Variants in OLA1 observed in about 807,000 individuals in gnomAD.
The protein encoded by OLA1 is Obg like ATPase 1.
A neutral mutation model predicts 48.4 loss-of-function variants in OLA1; 14 were observed. That is an observed-to-expected ratio of 0.29 (90% CI 0.19 to 0.45). OLA1 has a LOEUF of 0.45. Among genes scored for constraint, OLA1 ranks in the 20% least tolerant of loss-of-function variants. The pLI is 1.00. For synonymous variants in OLA1, 127 were observed against 150.4 expected (o/e 0.84, Z 1.14); for missense variants, 325 against 467.1 (o/e 0.70, Z 2.80).
chr2:174,105,390 T>G (rs1685491056), intron 7 of OLA1, among the ~76,000 whole-genome samples: 1 of 151,972 alleles, frequency 6.6e-6, no homozygotes. Context: ...AAAATGTACT[T>G]TGTAGAATTT....
intron 4 of OLA1, among the ~76,000 whole-genome samples, chr2:174,180,961 A>G (rs1687519337): frequency 6.6e-6 from 1 of 152,206 alleles, no homozygotes; most frequent in South Asian, 2.1e-4. Flanking sequence ...TAGTACCTTT[A>G]GGTATTTATC....
At chr2:174,112,063 A>G (rs921911299) in intron 7 of OLA1, among the ~76,000 whole-genome samples, 1 of 152,200 alleles carries the variant, frequency 6.6e-6, no homozygotes, top group Non-Finnish European at 1.5e-5. Context: ...TTTTAGTCTC[A>G]GATTTTATAG....
chr2:174,209,234 C>A (rs1688186043), intron 4 of OLA1, among the ~76,000 whole-genome samples: 1 of 152,154 alleles, frequency 6.6e-6, no homozygotes, highest in Non-Finnish European at 1.5e-5. Context: ...TATACACTTG[C>A]CAGCATAAAA....
intron 4 of OLA1, among the ~76,000 whole-genome samples, chr2:174,183,013 G>A (rs1157138720): frequency 1.3e-5 from 2 of 152,132 alleles, no homozygotes; most frequent in South Asian, 4.1e-4. Context: ...GTTAAAGACA[G>A]TTTCACCCTT....
At chr2:174,201,048 T>C (rs1409514249) in intron 4 of OLA1, among the ~76,000 whole-genome samples, 1 of 152,236 alleles carries the variant, frequency 6.6e-6, no homozygotes, top group Non-Finnish European at 1.5e-5. Context: ...TGACTAAAGA[T>C]GATCTCTCTT....
intron 4 of OLA1, among the ~76,000 whole-genome samples, chr2:174,221,757 T>G (rs1016377425): frequency 1.3e-5 from 2 of 152,176 alleles, no homozygotes; most frequent in Non-Finnish European, 2.9e-5. Context: ...GTATCACAAT[T>G]CATTCAAGTG....
chr2:174,110,469 G>A (rs1282258617), intron 7 of OLA1, among the ~76,000 whole-genome samples: 1 of 150,994 alleles, frequency 6.6e-6, no homozygotes, highest in Non-Finnish European at 1.5e-5. Context: ...TTTTGAGACA[G>A]GGTGTCACTC....
At position 174,112,268 on chromosome 2, in the gene OLA1, G is replaced by A. The variant is rs921003452; in HGVS notation, c.728+10912C>T. Among the ~76,000 whole-genome samples, 15 of 152,128 alleles carry A rather than the reference G, an allele frequency of 9.9e-5. No individual in the cohort carries two copies. The East Asian group carries it at 1.7e-3, about 18-fold the overall frequency. On this transcript the variant is annotated intron_variant, in intron 7 of 10. Coordinates refer to ENST00000284719, the MANE Select transcript of OLA1 (RefSeq NM_013341.5). The stretch of plus-strand genomic sequence containing the variant: ...GATGAACTGCTTACAATTGGATGTC[G>A]GCACCACTGACTGGTTATGTAACTT...
chr2:174,199,065 C>G (rs1687936898), intron 4 of OLA1, among the ~76,000 whole-genome samples: 1 of 149,144 alleles, frequency 6.7e-6, no homozygotes, highest in African/African-American at 2.4e-5. Context: ...GTATACATCT[C>G]TAACGTGCTG....
chr2:174,248,121 C>A lies in OLA1; in HGVS notation c.-1+331G>T, dbSNP rs977194091. ...CTCCAAAGAACAGATACAGGAACAG[C>A]GCCTGTCGGGTCCTCTGGCCTACAG... On this transcript the variant is annotated intron_variant, in intron 1 of 10. Transcript: ENST00000284719. The A allele has an allele frequency of 4.8e-5, 9 of 187,258 alleles. No individual in the cohort carries two copies. The Admixed American group carries it at 5.0e-4, about 10-fold the overall frequency. The allele number at this position is 187,258 out of a possible 1,614,324, so 11.6% of individuals were successfully genotyped here.
At chr2:174,103,443 T>C (rs1192688985) in intron 7 of OLA1, among the ~76,000 whole-genome samples, 2 of 152,178 alleles carry the variant, frequency 1.3e-5, no homozygotes, top group Non-Finnish European at 2.9e-5. Context: ...GTTGAGTAGC[T>C]ACAACAGAGA....
At chr2:174,228,156 T>C (rs1688654241) in intron 3 of OLA1, among the ~76,000 whole-genome samples, 1 of 152,156 alleles carries the variant, frequency 6.6e-6, no homozygotes, top group East Asian at 1.9e-4. Flanking sequence ...AAGGAGGCAG[T>C]TAGATATAGA....
At chr2:174,245,416 G>T (rs1689104831) in intron 2 of OLA1, among the ~76,000 whole-genome samples, 1 of 152,158 alleles carries the variant, frequency 6.6e-6, no homozygotes, top group South Asian at 2.1e-4. Flanking sequence ...TGTTCATTGA[G>T]GAATCTCTAT....
In OLA1 at chr2:174,155,700, C is replaced by T. The variant is rs565406662; in HGVS notation, c.374-13700G>A. 8.3e-4 allele frequency among the ~76,000 whole-genome samples: 126 copies of T among 152,026 alleles called. 1 individual carries two copies. Among genetic ancestry groups the T allele is most frequent in the African/African-American group, 2.3e-3 (95 of 41,454 alleles). On this transcript the variant is annotated intron_variant, in intron 4 of 10. Transcript: ENST00000284719. ...TCAAACTAAGGAGCGGGAACACATA[C>T]CTACATACTATAACTAAGACCAATG...
In OLA1 at chr2:174,140,197, G is replaced by A. The variant is rs188542211; in HGVS notation, c.549+1628C>T. Among the ~76,000 whole-genome samples, 212 of 152,004 alleles carry A rather than the reference G, an allele frequency of 1.4e-3. 3 individuals are homozygous for A. Among genetic ancestry groups the A allele is most frequent in the African/African-American group, 4.2e-3 (173 of 41,496 alleles). ...AAATACCTGGTAAACAAAATGACCTGCCTATCTTTCTCATAAATTTCAAGT... is the reference window on the plus strand; with the variant it reads ...AAATACCTGGTAAACAAAATGACCTACCTATCTTTCTCATAAATTTCAAGT... On this transcript the variant is annotated intron_variant, in intron 5 of 10. Transcript: ENST00000284719.
chr2:174,073,599 T>C lies in OLA1; in HGVS notation c.*1827A>G, dbSNP rs562960968. On this transcript the variant is annotated 3_prime_UTR_variant, in exon 11 of 11. Transcript: ENST00000284719. ...CTCAAAACTAACTCCTTTCTTTTAT[T>C]AATGGTTCTGTTGCACAATGTGCAA... is the stretch of plus-strand genomic sequence containing the variant. The C allele has an allele frequency of 6.6e-6, 1 of 152,340 alleles. No homozygotes were observed. Among genetic ancestry groups the C allele is most frequent in the South Asian group, 2.1e-4 (1 of 4,830 alleles). 9.4% of individuals were successfully genotyped at this position (152,340 alleles called of 1,614,324 possible).
At chr2:174,105,464 T>C (rs1441521354) in intron 7 of OLA1, among the ~76,000 whole-genome samples, 1 of 152,016 alleles carries the variant, frequency 6.6e-6, no homozygotes, top group Non-Finnish European at 1.5e-5. Context: ...TTAGATCTTA[T>C]AGCAAACTAA....
In OLA1 at chr2:174,075,169, T is replaced by C. The variant is rs1684700098; in HGVS notation, c.*257A>G. ...ATGAAGTATCATGAGAGTAATATGG[T>C]TCCTGAAAAGCTTCTACAATTTGGA... On this transcript the variant is annotated 3_prime_UTR_variant, in exon 11 of 11. Transcript: ENST00000284719. 1.3e-5 allele frequency: 5 copies of C among 379,778 alleles called. No individual in the cohort carries two copies. In the Admixed American group the frequency reaches 2.1e-4, roughly 16 times the overall value. The allele number at this position is 379,778 out of a possible 1,614,324, so 23.5% of individuals were successfully genotyped here. A position where few individuals can be genotyped will look rare whatever the true frequency, so the allele number is the denominator to read the frequency against.
intron 4 of OLA1, among the ~76,000 whole-genome samples, chr2:174,204,711 C>T (rs1241820349): frequency 2.7e-5 from 4 of 148,286 alleles, no homozygotes; most frequent in Non-Finnish European, 5.9e-5. Flanking sequence ...TATTCCAAAA[C>T]AAGAAAAATG....
Sources: allele counts gnomAD v4.1 joint callset (sites outside exome capture counted in the v4.1 genomes callset), GRCh38; gene constraint gnomAD v4.1.1; transcripts MANE v1.5; gene names NCBI Gene and HGNC (gene_info 2026-07-23, HGNC 2026-07-21).